Variants in ANKRD7 observed in about 807,000 individuals in gnomAD.
The protein encoded by ANKRD7 is ankyrin repeat domain-containing protein 7.
In ANKRD7, 30 loss-of-function variants were observed where a neutral mutation model predicts 30.8. The ratio of observed to expected loss-of-function variants is 0.97; its 90% confidence interval spans 0.73 to 1.32. The LOEUF is 1.32. Among genes scored for constraint, ANKRD7 ranks in the 40% most tolerant of loss-of-function variants. The pLI is 0.00. For synonymous variants in ANKRD7, 97 were observed against 106.6 expected, an observed-to-expected ratio of 0.91 and a Z score of 0.55; for missense variants, 264 against 295.7, an observed-to-expected ratio of 0.89 and a Z score of 0.79.
chr7:118,226,665 C>A (rs1809547730), intron 1 of ANKRD7, among the ~76,000 whole-genome samples: 1 of 152,114 alleles, frequency 6.6e-6, no homozygotes, highest in South Asian at 2.1e-4. Context: ...AGGGGTTGAT[C>A]ACAGTGTCTC....
At chr7:118,230,276 T>G (rs916746575) in intron 1 of ANKRD7, among the ~76,000 whole-genome samples, 4 of 151,882 alleles carry the variant, frequency 2.6e-5, no homozygotes, top group Non-Finnish European at 5.9e-5. Flanking sequence ...TAATAGACAC[T>G]AGGGACTCCA....
intron 5 of ANKRD7, among the ~76,000 whole-genome samples, chr7:118,238,652 G>A (rs1409471511): frequency 1.3e-5 from 2 of 152,166 alleles, no homozygotes. Context: ...ACTTCCAAAT[G>A]AAGGAATTAT....
intron 1 of ANKRD7, among the ~76,000 whole-genome samples, chr7:118,227,643 T>C (rs1809567009): frequency 6.6e-6 from 1 of 152,210 alleles, no homozygotes. Context: ...GGATCACTTA[T>C]GAAAAATTTC....
rs189882854 is a variant in ANKRD7, at chr7:118,236,612, G to T, written c.576-178G>T. On this transcript the variant is annotated intron_variant, in intron 4 of 6. Coordinates refer to ENST00000265224, the MANE Select transcript of ANKRD7 (RefSeq NM_019644.4). ...GGTACTGTTCATGTTTAGACTCCAT[G>T]ATATGATCTGTGACTGGCACACTTT... Among the ~76,000 whole-genome samples the T allele has an allele frequency of 6.3e-4, 96 of 152,294 alleles. No homozygotes were observed. In the Middle Eastern group the frequency reaches 0.014, roughly 22 times the overall value.
At chr7:118,241,521 CTT>C (rs3061682) in intron 6 of ANKRD7, among the ~76,000 whole-genome samples, 714 of 84,410 alleles carry the variant, frequency 8.5e-3, no homozygotes, top group East Asian at 0.036. Flanking sequence ...TCTGAATTAC[CTT>C]TTTTTTTTTT....
At chr7:118,234,679 T>G in intron 2 of ANKRD7, 22 bp from the exon 3 acceptor site, 1 of 1,593,910 alleles carries the variant, frequency 6.3e-7, no homozygotes, top group East Asian at 2.2e-5. Flanking sequence ...TGGTTACTCA[T>G]CTACTCTTGT....
chr7:118,228,639 G>A (rs758559351), intron 1 of ANKRD7, among the ~76,000 whole-genome samples: 9 of 151,932 alleles, frequency 5.9e-5, no homozygotes, highest in Non-Finnish European at 1.0e-4. Flanking sequence ...TTTCTTTTTC[G>A]ATAAATGCCA....
Position 118,230,599 on chromosome 7 carries a change from GA to G in ANKRD7, c.180-3825del, listed in dbSNP as rs373727889. Among the ~76,000 whole-genome samples, 547 of 151,574 alleles carry G rather than the reference GA, an allele frequency of 3.6e-3. 7 individuals carry two copies. The highest frequency in any genetic ancestry group is 0.013 in the African/African-American group (525 of 41,364). ...AAATTACAACTTGATAAAGCTGAAT[GA>G]AAAAAATCTCAAATTGTATATTTCT... On this transcript the variant is annotated intron_variant, in intron 1 of 6. Transcript: ENST00000265224.
In ANKRD7 at chr7:118,224,992, G is replaced by A; in HGVS notation, c.162G>A (p.Met54Ile). The change falls in exon 1 of 7, where the codon ATG becomes ATA. Residue 54 changes from methionine to isoleucine, a missense_variant. Physicochemically the swap from Met to Ile is conservative, Grantham distance 10. Coordinates refer to ENST00000265224, the MANE Select transcript of ANKRD7 (RefSeq NM_019644.4). ...YLQIKKYDVN[M>I]QDKKYRTPLH... ...AGATCAAGAAATATGATGTAAATAT[G>A]CAGGACAAAAAATACAGGTGACCAG... is the stretch of plus-strand genomic sequence containing the variant. 1 of 1,613,866 alleles carries A rather than the reference G, an allele frequency of 6.2e-7. No individual in the cohort carries two copies. The highest frequency in any genetic ancestry group is 1.1e-5 in the South Asian group (1 of 91,046).
intron 6 of ANKRD7, among the ~76,000 whole-genome samples, chr7:118,240,688 C>T (rs953439757): frequency 6.6e-6 from 1 of 151,902 alleles, no homozygotes; most frequent in South Asian, 2.1e-4. Flanking sequence ...AGATGAAAAA[C>T]TATCATAAAA....
chr7:118,241,791 G>T (rs1206800932), intron 6 of ANKRD7, among the ~76,000 whole-genome samples: 2 of 151,728 alleles, frequency 1.3e-5, no homozygotes, highest in African/African-American at 2.4e-5. Flanking sequence ...CGCCAGCCTC[G>T]GCCTCCCAAA....
intron 4 of ANKRD7, 148 bp downstream of exon 4, chr7:118,236,295 G>A (rs2116018572): frequency 3.9e-6 from 2 of 506,976 alleles, no homozygotes; most frequent in East Asian, 6.3e-5. Flanking sequence ...AGACCCGTAG[G>A]ATGTATGCTC....
chr7:118,227,145 T>C (rs57970913), intron 1 of ANKRD7, among the ~76,000 whole-genome samples: 23,064 of 152,120 alleles, frequency 0.15, 3,292 homozygotes, highest in African/African-American at 0.36. Flanking sequence ...GTGTAACTTC[T>C]ACAGATTTTT....
chr7:118,238,403 T>C (rs915565916), intron 5 of ANKRD7, among the ~76,000 whole-genome samples: 3 of 152,200 alleles, frequency 2.0e-5, no homozygotes, highest in Non-Finnish European at 4.4e-5. Flanking sequence ...TTAATAACAA[T>C]TGCAAGTGAC....
chr7:118,237,926 A>G (rs1809758634), intron 5 of ANKRD7, among the ~76,000 whole-genome samples: 1 of 152,106 alleles, frequency 6.6e-6, no homozygotes, highest in South Asian at 2.1e-4. Flanking sequence ...AGGATTCTTC[A>G]CTCTACAAAA....
intron 1 of ANKRD7, among the ~76,000 whole-genome samples, chr7:118,232,713 AGTGTGTTTGTGTGT>A (rs1289240679): frequency 8.5e-6 from 1 of 117,848 alleles, no homozygotes; most frequent in East Asian, 2.9e-4. Flanking sequence ...TAGTAAGAGC[AGTGTGTTTGTGTGT>A]GTGTGTGTGT....
At chr7:118,235,649 A>C (rs1186617721) in intron 3 of ANKRD7, among the ~76,000 whole-genome samples, 1 of 150,294 alleles carries the variant, frequency 6.7e-6, no homozygotes, top group Admixed American at 6.7e-5. Context: ...TTGATACTTT[A>C]CTGATATTTT....
chr7:118,225,104 T>C (rs555094485), intron 1 of ANKRD7, 95 bp downstream of exon 1: 5 of 1,375,330 alleles, frequency 3.6e-6, no homozygotes, highest in Non-Finnish European at 5.0e-6. Flanking sequence ...ACACTGATTG[T>C]CACTCCGGGT....
chr7:118,233,862 C>T (rs868266229), intron 1 of ANKRD7, among the ~76,000 whole-genome samples: 28 of 152,102 alleles, frequency 1.8e-4, no homozygotes, highest in Middle Eastern at 3.4e-3. Flanking sequence ...GTCTGGTTTC[C>T]GGTAGGCTAC....
Sources: allele counts gnomAD v4.1 joint callset (sites outside exome capture counted in the v4.1 genomes callset), GRCh38; gene constraint gnomAD v4.1.1; transcripts MANE v1.5; gene names NCBI Gene and HGNC (gene_info 2026-07-23, HGNC 2026-07-21).